TRIM27: variants seen among roughly 807,000 people sequenced by gnomAD.
TRIM27 encodes tripartite motif containing 27, also known as zinc finger protein RFP.
TRIM27 carries 12 observed loss-of-function variants against 57.6 expected under a neutral mutation model. The ratio of observed to expected loss-of-function variants is 0.21; its 90% CI spans 0.13 to 0.34. The LOEUF is 0.34. TRIM27 is among the 10% of genes least tolerant of loss of function. The pLI, the probability that TRIM27 is intolerant of heterozygous loss-of-function variation, is 1.00. For missense variants in TRIM27, 403 were observed against 656.8 expected (o/e 0.61, Z 4.22); for synonymous variants, 266 against 259.0 (o/e 1.03, Z -0.26).
At chr6:28,909,746 G>C (rs1773042349) in intron 4 of TRIM27, among the ~76,000 whole-genome samples, 1 of 152,186 alleles carries the variant, frequency 6.6e-6, no homozygotes, top group Admixed American at 6.6e-5. Context: ...AATATGGAAA[G>C]AATGACATGT....
rs9280507 is a variant in TRIM27 at position 28,912,106 on chromosome 6, C to CTT, written c.748-390_748-389dup. Among the ~76,000 whole-genome samples, 254 of 136,332 alleles carry CTT rather than the reference C, an allele frequency of 1.9e-3. 3 individuals are homozygous for CTT. The South Asian group carries it at 0.03, about 16-fold the overall frequency. 89.4% of individuals were successfully genotyped at this position (136,332 alleles called of 152,430 possible). A position where few individuals can be genotyped will look rare whatever the true frequency, so the allele number is the denominator to read the frequency against. On this transcript the variant is annotated intron_variant, in intron 3 of 7. Coordinates refer to ENST00000377199, the MANE Select transcript of TRIM27 (RefSeq NM_006510.5). The stretch of plus-strand genomic sequence containing the variant: ...TGTTAGTACAAAGAACTCCAGTATA[C>CTT]TTTTTTTTTTTTTTTTTTTGAGACG...
In TRIM27 at chr6:28,912,931, G is replaced by C. The variant is rs138623059; in HGVS notation, c.748-1213C>G. Reference sequence around the variant, plus strand: ...TATTTGCCTTTTCTTTATGCAAGAAGCATTGCAATTATTCTCCTCTAGTCA... The same window carrying C: ...TATTTGCCTTTTCTTTATGCAAGAACCATTGCAATTATTCTCCTCTAGTCA... On this transcript the variant is annotated intron_variant, in intron 3 of 7. Transcript: ENST00000377199. Among the ~76,000 whole-genome samples the C allele has an allele frequency of 2.0e-3, 297 of 152,178 alleles. 2 individuals carry two copies. Among genetic ancestry groups the C allele is most frequent in the African/African-American group, 6.4e-3 (265 of 41,506 alleles).
intron 3 of TRIM27, among the ~76,000 whole-genome samples, chr6:28,914,178 C>A (rs1350425332): frequency 1.3e-5 from 2 of 149,666 alleles, no homozygotes; most frequent in Non-Finnish European, 3.0e-5. Flanking sequence ...ATCTGCCTCC[C>A]AGGCTGGAGT....
chr6:28,919,664 G>A (rs1773878794), intron 3 of TRIM27, among the ~76,000 whole-genome samples: 1 of 152,214 alleles, frequency 6.6e-6, no homozygotes, highest in African/African-American at 2.4e-5. Context: ...GTCTTTGAAT[G>A]ACATGTGGTC....
intron 3 of TRIM27, among the ~76,000 whole-genome samples, chr6:28,913,803 AC>A (rs1449505406): frequency 6.6e-6 from 1 of 151,930 alleles, no homozygotes; most frequent in Non-Finnish European, 1.5e-5. Flanking sequence ...CTCTCGCAAT[AC>A]TTAAAAGGTC....
chr6:28,918,798 C>T (rs2150487110), intron 3 of TRIM27, among the ~76,000 whole-genome samples: 1 of 152,048 alleles, frequency 6.6e-6, no homozygotes, highest in Non-Finnish European at 1.5e-5. Context: ...ATCGCTTGAA[C>T]CCAGGAGGCG....
intron 7 of TRIM27, chr6:28,905,691 C>T (rs1222498107): frequency 6.6e-6 from 1 of 152,264 alleles, no homozygotes; most frequent in Non-Finnish European, 1.5e-5. Flanking sequence ...AGCCACTACA[C>T]CCAGCCCAAA....
At chr6:28,915,011 A>G (rs1052062614) in intron 3 of TRIM27, 4 of 151,966 alleles carry the variant, frequency 2.6e-5, no homozygotes, top group African/African-American at 4.8e-5. Flanking sequence ...TTGTATACCT[A>G]TAATTATTTT....
At position 28,919,995 on chromosome 6, in the gene TRIM27, G is replaced by A. The variant is rs747370787; in HGVS notation, c.747+17C>T. On this transcript the variant is annotated intron_variant, in intron 3 of 7. Coordinates refer to ENST00000377199, the MANE Select transcript of TRIM27 (RefSeq NM_006510.5). ...TTTTCAGTGGGTGCTGCTCTAGCAG[G>A]GCTCTGCAAGCCTTACCTGCAGGAG... 7 of 1,605,428 alleles carry A rather than the reference G, an allele frequency of 4.4e-6. No homozygotes were observed. The African/African-American group carries it at 5.3e-5, about 12-fold the overall frequency.
Position 28,904,043 on chromosome 6 carries a change from C to A in TRIM27, c.*27G>T. 6.3e-7 allele frequency: 1 copy of A among 1,587,628 alleles called. No homozygotes were observed. ...GTGCCTGGCGTAGGATTACAGCCAA[C>A]AGCCCTTTTGGCCTGAATTCACCTC... On this transcript the variant is annotated 3_prime_UTR_variant, in exon 8 of 8. Coordinates refer to ENST00000377199, the MANE Select transcript of TRIM27 (RefSeq NM_006510.5). This position sits in a 1 kb window ranked among gnomAD's most constrained non-coding sequence, Gnocchi z 6.1.
intron 2 of TRIM27, among the ~76,000 whole-genome samples, chr6:28,921,635 C>G (rs1433653746): frequency 6.6e-6 from 1 of 152,120 alleles, no homozygotes; most frequent in East Asian, 1.9e-4. Context: ...AAGGATCAAC[C>G]CTGGTCTACG....
At chr6:28,906,908 T>C (rs1478886509) in intron 7 of TRIM27, 2 of 267,640 alleles carry the variant, frequency 7.5e-6, no homozygotes, top group Non-Finnish European at 1.4e-5. Context: ...AAACCATGGT[T>C]TGACCCTGAA....
At position 28,923,279 on chromosome 6, in the gene TRIM27, G is replaced by A. The variant is rs1432279601; in HGVS notation, c.354C>T (p.Cys118=). 3 of 1,610,928 alleles carry A rather than the reference G, an allele frequency of 1.9e-6. No homozygotes were observed. The highest frequency in any genetic ancestry group is 2.7e-5 in the African/African-American group (2 of 75,006). ...GGCCGCGGTGCTCGCGGGAGCGGTCGCACACCACGCAGATGGGCATCTGGT... is the reference window on the plus strand; with the variant it reads ...GGCCGCGGTGCTCGCGGGAGCGGTCACACACCACGCAGATGGGCATCTGGT... ...EEDQMPICVV[C]DRSREHRGHS... is the part of the protein sequence containing the mutation. The change falls in exon 1 of 8, where the codon TGC becomes TGT. Residue 118 remains cysteine (C), a synonymous_variant. Coordinates refer to ENST00000377199, the MANE Select transcript of TRIM27 (RefSeq NM_006510.5).
intron 4 of TRIM27, chr6:28,911,461 TCCTCATACC>T (rs1773206247): frequency 2.0e-5 from 10 of 506,450 alleles, no homozygotes; most frequent in African/African-American, 1.6e-4. Context: ...CATGGAAGTG[TCCTCATACC>T]CCTAATCCAC....
intron 3 of TRIM27, chr6:28,915,745 T>C (rs1359672995): frequency 6.6e-6 from 1 of 152,228 alleles, no homozygotes; most frequent in Non-Finnish European, 1.5e-5. Context: ...TTCTACTTTT[T>C]GTGTTCAATG....
intron 4 of TRIM27, 143 bp downstream of exon 4, chr6:28,911,553 T>C: frequency 1.3e-6 from 1 of 796,634 alleles, no homozygotes; most frequent in Non-Finnish European, 2.0e-6. Context: ...TAATTCTTTG[T>C]ATACTAGTGA....
intron 2 of TRIM27, 112 bp downstream of exon 2, chr6:28,921,780 C>T: frequency 1.2e-6 from 1 of 856,414 alleles, no homozygotes; most frequent in Non-Finnish European, 2.0e-6. Flanking sequence ...GTTGATCCAC[C>T]TCTACCTACA....
chr6:28,917,830 C>CT (rs1002129970), intron 3 of TRIM27, among the ~76,000 whole-genome samples: 1,603 of 141,398 alleles, frequency 0.011, 8 homozygotes, highest in African/African-American at 0.015. Context: ...TTCTTCCTTT[C>CT]TTTTTTTTTT....
rs1244181962 is a variant in TRIM27 at position 28,920,223 on chromosome 6, C to T, written c.536G>A (p.Arg179Lys). The T allele has an allele frequency of 6.2e-7, 1 of 1,610,458 alleles. No homozygotes were observed. The highest frequency in any genetic ancestry group is 1.7e-5 in the Admixed American group (1 of 59,862). ...CTCAAACTCCCAAACAATCTTCTCC[C>T]TCTCCATCTGGGTTAGGCTCTATGC... ...AELLSLTQME[R>K]EKIVWEFEQL... The change falls in exon 3 of 8, where the codon AGG becomes AAG. Residue 179 changes from arginine to lysine, a missense_variant. By Grantham distance (26) the Arg-to-Lys change is conservative (BLOSUM62 2). Coordinates refer to ENST00000377199, the MANE Select transcript of TRIM27 (RefSeq NM_006510.5).
Sources: allele counts gnomAD v4.1 joint callset (sites outside exome capture counted in the v4.1 genomes callset), GRCh38; gene constraint gnomAD v4.1.1; non-coding constraint Gnocchi (gnomAD v3.1); transcripts MANE v1.5; gene names NCBI Gene and HGNC (gene_info 2026-07-23, HGNC 2026-07-21).